The following TUSC3 variants were observed in gnomAD, a reference collection of about 807,000 sequenced individuals.
The protein encoded by TUSC3 is tumor suppressor candidate 3.
TUSC3 carries 45 observed loss-of-function variants against 44.8 expected under a neutral mutation model. That is an observed-to-expected ratio of 1.00 (90% CI 0.79 to 1.29). TUSC3 has a LOEUF of 1.29. TUSC3 is among the 50% of genes most tolerant of loss of function. The pLI, the probability that TUSC3 is intolerant of heterozygous loss-of-function variation, is 0.00. For missense variants in TUSC3, 519 were observed against 437.9 expected (o/e 1.19, Z -1.65); for synonymous variants, 212 against 152.9 (o/e 1.39, Z -2.85).
At chr8:15,801,127 G>C in the TUSC3 span, among the ~76,000 whole-genome samples, 12 of 152,300 alleles carry the variant, frequency 7.9e-5, no homozygotes, top group East Asian at 2.1e-3. Context: ...TCCATAGACA[G>C]AGCACCCACA....
chr8:15,465,779 C>A (rs1263738903), intron 1 of TUSC3, among the ~76,000 whole-genome samples: 1 of 152,110 alleles, frequency 6.6e-6, no homozygotes, highest in African/African-American at 2.4e-5. Context: ...CTCTGCAGTG[C>A]AACCCTATCT....
chr8:15,575,883 G>T (rs1172976556), intron 1 of TUSC3, among the ~76,000 whole-genome samples: 1 of 151,988 alleles, frequency 6.6e-6, no homozygotes, highest in Non-Finnish European at 1.5e-5. Context: ...CCATGCCCAA[G>T]ATTGAAATGA....
rs1176914655 is a variant in TUSC3 at position 15,553,487 on chromosome 8, T to C, written c.138+12919T>C. Reference sequence around the variant, plus strand: ...GGTCAACAGTGATAAGTTTGGACTTTGCTGCTGGAGGAGCTTACAAGGAAA... The same window carrying C: ...GGTCAACAGTGATAAGTTTGGACTTCGCTGCTGGAGGAGCTTACAAGGAAA... On this transcript the variant is annotated intron_variant, in intron 1 of 10. Coordinates refer to ENST00000503731, the MANE Select transcript of TUSC3 (RefSeq NM_006765.4). Among the ~76,000 whole-genome samples the C allele has an allele frequency of 4.2e-5, 4 of 94,780 alleles. 1 individual carries two copies. Among genetic ancestry groups the C allele is most frequent in the Admixed American group, 1.0e-4 (1 of 9,656 alleles). 62.2% of individuals were successfully genotyped at this position (94,780 alleles called of 152,430 possible).
intron 6 of TUSC3, among the ~76,000 whole-genome samples, chr8:15,725,820 C>T (rs1032392560): frequency 9.9e-5 from 15 of 152,214 alleles, no homozygotes; most frequent in South Asian, 4.1e-4. Flanking sequence ...TGACTAAAAT[C>T]GATTTTATAA....
intron 2 of TUSC3, among the ~76,000 whole-genome samples, chr8:15,507,254 G>C (rs1184668219): frequency 6.6e-6 from 1 of 152,116 alleles, no homozygotes; most frequent in Non-Finnish European, 1.5e-5. Context: ...TAAAAACATG[G>C]TTTGTCCTGT....
intron 2 of TUSC3, among the ~76,000 whole-genome samples, chr8:15,642,826 A>T (rs1042955776): frequency 2.1e-5 from 3 of 143,820 alleles, no homozygotes; most frequent in Non-Finnish European, 4.8e-5. Flanking sequence ...AATGGATTGA[A>T]GTATCTTGAG....
intron 1 of TUSC3, among the ~76,000 whole-genome samples, chr8:15,435,625 A>T (rs1282148290): frequency 1.3e-5 from 2 of 152,172 alleles, no homozygotes; most frequent in African/African-American, 4.8e-5. Context: ...AACATATGCA[A>T]GATTTTATTA....
intron 2 of TUSC3, among the ~76,000 whole-genome samples, chr8:15,639,347 T>A (rs1169931454): frequency 6.6e-6 from 1 of 152,218 alleles, no homozygotes; most frequent in East Asian, 1.9e-4. Context: ...CTTTGGACTT[T>A]CTGTGTGCTT....
intron 6 of TUSC3, among the ~76,000 whole-genome samples, chr8:15,697,700 T>C (rs972420614): frequency 1.3e-5 from 2 of 152,258 alleles, no homozygotes. Flanking sequence ...ATTATCTGTT[T>C]AGGTCATAAT....
At chr8:15,525,509 C>G (rs1801361433) in intron 2 of TUSC3, among the ~76,000 whole-genome samples, 1 of 152,142 alleles carries the variant, frequency 6.6e-6, no homozygotes, top group South Asian at 2.1e-4. Flanking sequence ...TATAATATGG[C>G]AAATACTGAT....
At chr8:15,662,431 G>A in intron 5 of TUSC3, 135 bp downstream of exon 5, 1 of 1,262,240 alleles carries the variant, frequency 7.9e-7, no homozygotes, top group Non-Finnish European at 1.1e-6. Flanking sequence ...TTTAGAACTT[G>A]GATAATTTAG....
chr8:15,420,267 C>T (rs1799721938), intron 1 of TUSC3, among the ~76,000 whole-genome samples: 1 of 152,024 alleles, frequency 6.6e-6, no homozygotes, highest in Admixed American at 6.5e-5. Context: ...GAGGCCAAGG[C>T]AGGCAGATCA....
At chr8:15,848,629 C>A in the TUSC3 span, among the ~76,000 whole-genome samples, 49 of 152,272 alleles carry the variant, frequency 3.2e-4, no homozygotes, top group African/African-American at 1.1e-3. Flanking sequence ...TGTGGGTGAT[C>A]TGTCTTATGG....
intron 6 of TUSC3, among the ~76,000 whole-genome samples, chr8:15,702,211 T>G (rs1281618529): frequency 6.6e-6 from 1 of 152,108 alleles, no homozygotes; most frequent in African/African-American, 2.4e-5. Context: ...CATAGGTACT[T>G]CAGATGGAAG....
At chr8:15,773,312 C>G in the TUSC3 span, among the ~76,000 whole-genome samples, 2 of 152,006 alleles carry the variant, frequency 1.3e-5, no homozygotes, top group Admixed American at 6.6e-5. Context: ...AATTGTATTT[C>G]TATATACTAG....
chr8:15,427,711 C>G (rs890733737), intron 1 of TUSC3, among the ~76,000 whole-genome samples: 2 of 152,078 alleles, frequency 1.3e-5, no homozygotes, highest in African/African-American at 4.8e-5. Context: ...TCTGAGGAGG[C>G]AAGAATTGAG....
At chr8:15,668,426 C>G (rs1265530099) in intron 5 of TUSC3, among the ~76,000 whole-genome samples, 1 of 151,534 alleles carries the variant, frequency 6.6e-6, no homozygotes, top group African/African-American at 2.4e-5. Flanking sequence ...GACCATTCAA[C>G]AAGAGTTTGA....
the TUSC3 span, among the ~76,000 whole-genome samples, chr8:15,837,469 T>A: frequency 6.6e-6 from 1 of 152,184 alleles, no homozygotes; most frequent in Admixed American, 6.5e-5. Flanking sequence ...TCTTTTATTC[T>A]TTTAAATTCT....
chr8:15,472,727 A>G (rs1429692022), intron 1 of TUSC3, among the ~76,000 whole-genome samples: 1 of 152,180 alleles, frequency 6.6e-6, no homozygotes, highest in East Asian at 1.9e-4. Context: ...TAAATGTTTT[A>G]TTTCATATGG....
Sources: gnomAD v4.1 joint callset for allele counts (sites outside exome capture counted in the v4.1 genomes callset) on GRCh38, gnomAD v4.1.1 for gene constraint, MANE v1.5 for transcripts, NCBI Gene and HGNC (gene_info 2026-07-23, HGNC 2026-07-21) for gene names.